FKTN: variants seen among roughly 807,000 people sequenced by gnomAD.
FKTN encodes fukutin.
A neutral mutation model predicts 58.6 loss-of-function variants in FKTN; 47 were observed. That is an observed-to-expected ratio of 0.80 (90% CI 0.63 to 1.02). The LOEUF is 1.02. FKTN is among the 50% of genes least tolerant of loss of function. The pLI is 0.00. For missense variants in FKTN, 516 were observed against 537.3 expected (o/e 0.96, Z 0.39); for synonymous variants, 178 against 191.9 (o/e 0.93, Z 0.60).
chr9:105,568,668 G>C (rs1426342632), intron 1 of FKTN, among the ~76,000 whole-genome samples: 1 of 152,162 alleles, frequency 6.6e-6, no homozygotes, highest in Non-Finnish European at 1.5e-5. Flanking sequence ...TGGAGAAATA[G>C]GAACACTTTT....
At chr9:105,600,766 T>G (rs1827730077) in intron 4 of FKTN, among the ~76,000 whole-genome samples, 2 of 152,170 alleles carry the variant, frequency 1.3e-5, no homozygotes, top group South Asian at 4.1e-4. Flanking sequence ...TTGAAAAGAT[T>G]TAGCTAATAC....
chr9:105,606,722 G>A (rs1292435320), intron 6 of FKTN, among the ~76,000 whole-genome samples: 1 of 134,356 alleles, frequency 7.4e-6, no homozygotes, highest in Non-Finnish European at 1.6e-5. Context: ...TCTCTATCTG[G>A]AATCATGTGA....
intron 4 of FKTN, chr9:105,600,896 G>C (rs1564282570): frequency 2.6e-6 from 1 of 387,552 alleles, no homozygotes; most frequent in East Asian, 5.1e-5. Context: ...TTTATAATAT[G>C]TTGTATATGT....
chr9:105,572,869 T>C (rs1840989222), intron 1 of FKTN, among the ~76,000 whole-genome samples: 1 of 152,208 alleles, frequency 6.6e-6, no homozygotes, highest in Admixed American at 6.5e-5. Flanking sequence ...TACCAGAGAC[T>C]ACCCTCTAGT....
chr9:105,565,530 C>A (rs531256746), intron 1 of FKTN, among the ~76,000 whole-genome samples: 1 of 152,056 alleles, frequency 6.6e-6, no homozygotes, highest in Admixed American at 6.5e-5. Flanking sequence ...TTTAAACCAA[C>A]AAAGATCAAA....
Position 105,561,046 on chromosome 9 carries a change from A to G in FKTN, c.-181+2881A>G, listed in dbSNP as rs145002444. Among the ~76,000 whole-genome samples, 572 of 152,142 alleles carry G rather than the reference A, an allele frequency of 3.8e-3. 6 individuals carry two copies. Among genetic ancestry groups the G allele is most frequent in the African/African-American group, 0.013 (539 of 41,508 alleles). On this transcript the variant is annotated intron_variant, in intron 1 of 10. Coordinates refer to ENST00000357998, the MANE Select transcript of FKTN (RefSeq NM_001079802.2). ...GGTTGCAGTGAGCTGAGATTGTGCC[A>G]CTGCACTCCAGCCTGGCAACAGAGC... is the stretch of plus-strand genomic sequence containing the variant.
intron 7 of FKTN, 139 bp downstream of exon 7, chr9:105,608,090 G>A (rs1829238780): frequency 2.8e-6 from 2 of 708,792 alleles, no homozygotes; most frequent in South Asian, 1.8e-5. Context: ...TTTTCTTCTA[G>A]ATTGTTTTCT....
At chr9:105,580,462 A>G (rs1350444550) in intron 3 of FKTN, among the ~76,000 whole-genome samples, 30 of 135,684 alleles carry the variant, frequency 2.2e-4, no homozygotes, top group African/African-American at 7.0e-4. Flanking sequence ...CTGGGTTGAA[A>G]ATTCTTTTCT....
chr9:105,559,684 C>CAA lies in FKTN; in HGVS notation c.-181+1532_-181+1533dup, dbSNP rs751342126. ...GGGCAACAAGAGCGAAACTCTGTCT[C>CAA]AAAAAAAAAAAAAAGTTAATTTTGA... On this transcript the variant is annotated intron_variant, in intron 1 of 10. Transcript: ENST00000357998. Among the ~76,000 whole-genome samples the CAA allele has an allele frequency of 2.5e-3, 290 of 114,760 alleles. 3 individuals carry two copies. Among genetic ancestry groups the CAA allele is most frequent in the African/African-American group, 8.7e-3 (271 of 31,158 alleles). The allele number at this position is 114,760 out of a possible 152,430, so 75.3% of individuals were successfully genotyped here.
chr9:105,632,039 C>T (rs1833519867), intron 10 of FKTN, among the ~76,000 whole-genome samples: 1 of 150,474 alleles, frequency 6.6e-6, no homozygotes, highest in Non-Finnish European at 1.5e-5. Context: ...CAATGATAGA[C>T]TGGATTAAGA....
chr9:105,609,648 C>A (rs1401225337), intron 7 of FKTN, among the ~76,000 whole-genome samples: 1 of 152,140 alleles, frequency 6.6e-6, no homozygotes, highest in Non-Finnish European at 1.5e-5. Context: ...TGGAAGATTA[C>A]AAGCCAGATG....
At chr9:105,613,458 A>C (rs1489068845) in intron 7 of FKTN, among the ~76,000 whole-genome samples, 1 of 152,260 alleles carries the variant, frequency 6.6e-6, no homozygotes, top group Non-Finnish European at 1.5e-5. Flanking sequence ...CATATAGTCC[A>C]TCCAGGATCT....
intron 3 of FKTN, among the ~76,000 whole-genome samples, chr9:105,594,386 A>G (rs2132540505): frequency 6.6e-6 from 1 of 152,340 alleles, no homozygotes; most frequent in East Asian, 1.9e-4. Flanking sequence ...GGAGAATGAG[A>G]CAGTTAATAC....
At chr9:105,564,948 T>C (rs1839109186) in intron 1 of FKTN, among the ~76,000 whole-genome samples, 2 of 152,190 alleles carry the variant, frequency 1.3e-5, no homozygotes, top group Non-Finnish European at 2.9e-5. Context: ...ACAGCTGATC[T>C]CTCGGCAGGA....
At position 105,588,186 on chromosome 9, in the gene FKTN, C is replaced by T. The variant is rs181368042; in HGVS notation, c.106-8412C>T. On this transcript the variant is annotated intron_variant, in intron 3 of 10. Coordinates refer to ENST00000357998, the MANE Select transcript of FKTN (RefSeq NM_001079802.2). The stretch of plus-strand genomic sequence containing the variant: ...TTCTTAAATCTTCACCTCCTACTTT[C>T]TGGATGCTTTTTCTTTGATAATATA... Among the ~76,000 whole-genome samples, 5 of 152,310 alleles carry T rather than the reference C, an allele frequency of 3.3e-5. No individual in the cohort carries two copies. The East Asian group carries it at 9.6e-4, about 29-fold the overall frequency.
chr9:105,617,965 A>AT lies in FKTN; in HGVS notation c.918dup (p.Arg307SerfsTer9). 1 of 1,581,778 alleles carries AT rather than the reference A, an allele frequency of 6.3e-7. No homozygotes were observed. The highest frequency in any genetic ancestry group is 1.1e-5 in the South Asian group (1 of 90,092). ...AATTTAATCTTCTTTTTAGGATGGT[A>AT]TCGACAATGCAACATTATTCCTTAT... On this transcript the variant is annotated frameshift_variant, in exon 9 of 11. Coordinates refer to ENST00000357998, the MANE Select transcript of FKTN (RefSeq NM_001079802.2). LOFTEE classifies it high-confidence loss of function.
At chr9:105,565,298 A>T (rs879205723) in intron 1 of FKTN, among the ~76,000 whole-genome samples, 1 of 152,180 alleles carries the variant, frequency 6.6e-6, no homozygotes, top group Admixed American at 6.5e-5. Context: ...ACACATAACA[A>T]TGTTAACCTT....
At chr9:105,605,990 G>A (rs4742954) in intron 6 of FKTN, among the ~76,000 whole-genome samples, 40,693 of 151,870 alleles carry the variant, frequency 0.27, 5,722 homozygotes, top group Non-Finnish European at 0.31. Flanking sequence ...TCAAAATATT[G>A]CATGTAACCC....
intron 8 of FKTN, 102 bp downstream of exon 8, chr9:105,615,509 C>G: frequency 9.0e-7 from 1 of 1,116,946 alleles, no homozygotes; most frequent in Non-Finnish European, 1.4e-6. Flanking sequence ...TTTGAAGTGT[C>G]ATGTGTATAG....
Sources: allele counts gnomAD v4.1 joint callset (sites outside exome capture counted in the v4.1 genomes callset), GRCh38; gene constraint gnomAD v4.1.1; transcripts MANE v1.5; gene names NCBI Gene and HGNC (gene_info 2026-07-23, HGNC 2026-07-21).